STAB2: variants seen among roughly 807,000 people sequenced by gnomAD.
The protein encoded by STAB2 is stabilin-2.
Under a neutral mutation model 338.1 loss-of-function variants are expected in STAB2, and 288 were observed. The ratio of observed to expected loss-of-function variants is 0.85; its 90% CI spans 0.77 to 0.94. The LOEUF is 0.94. Ranked by LOEUF, STAB2 falls within the 40% of genes least tolerant of loss-of-function variation. The pLI, the probability that STAB2 is intolerant of heterozygous loss-of-function variation, is 0.00. For synonymous variants in STAB2, 1,202 were observed against 1,193.3 expected, an observed-to-expected ratio of 1.01 and a Z score of -0.15; for missense variants, 3,141 against 3,210.1, an observed-to-expected ratio of 0.98 and a Z score of 0.52.
intron 44 of STAB2, among the ~76,000 whole-genome samples, chr12:103,723,243 A>C (rs796896132): frequency 6.6e-6 from 1 of 152,220 alleles, no homozygotes; most frequent in Non-Finnish European, 1.5e-5. Flanking sequence ...GGCAACTTAC[A>C]AAAGAAAGGT....
In STAB2 at chr12:103,711,478, A is replaced by C. The variant is rs775281544; in HGVS notation, c.4296A>C (p.Thr1432=). ...ACTGGTTCTCTTTTTCAGCAACCAC[A>C]GAAGACAACTGCAATGGGACATGCC... ...WRGVHCDNAT[T]EDNCNGTCHT... Residue 1432 remains threonine, a synonymous_variant, in exon 40 of 69, where the codon ACA becomes ACC. Transcript: ENST00000388887. 2 of 1,614,170 alleles carry C rather than the reference A, an allele frequency of 1.2e-6. No homozygotes were observed. Among genetic ancestry groups the C allele is most frequent in the East Asian group, 4.5e-5 (2 of 44,890 alleles).
At chr12:103,672,229 C>T (rs1363408483) in intron 22 of STAB2, among the ~76,000 whole-genome samples, 2 of 152,192 alleles carry the variant, frequency 1.3e-5, no homozygotes, top group Non-Finnish European at 2.9e-5. Context: ...GATGGGAAAG[C>T]AGAGCACATC....
Position 103,749,094 on chromosome 12 carries a change from C to A in STAB2, c.6376C>A (p.Pro2126Thr). The change falls in exon 59 of 69, where the codon CCC (proline) becomes ACC (threonine). Residue 2126 changes from proline to threonine, a missense_variant. Physicochemically the swap from Pro to Thr is conservative, Grantham distance 38. Transcript: ENST00000388887. ...CGGGCACAGCTGCACAGAGATAGACCCCTGTGCAGACGGCCTTAACGGAGG... is the reference window on the plus strand; with the variant it reads ...CGGGCACAGCTGCACAGAGATAGACACCTGTGCAGACGGCCTTAACGGAGG... ...GDGHSCTEIDPCADGLNGGCH... is the reference protein window; with the variant it reads ...GDGHSCTEIDTCADGLNGGCH... The A allele has an allele frequency of 6.2e-7, 1 of 1,613,910 alleles. No individual in the cohort carries two copies. The highest frequency in any genetic ancestry group is 8.5e-7 in the Non-Finnish European group (1 of 1,179,904).
At position 103,673,923 on chromosome 12, in the gene STAB2, C is replaced by CGGAACAT; in HGVS notation, c.2390_2396dup (p.Cys799TrpfsTer5). 8 of 1,612,720 alleles carry CGGAACAT rather than the reference C, an allele frequency of 5.0e-6. No individual in the cohort carries two copies. Among genetic ancestry groups the CGGAACAT allele is most frequent in the Non-Finnish European group, 6.8e-6 (8 of 1,178,992 alleles). On this transcript the variant is annotated frameshift_variant, in exon 23 of 69. Coordinates refer to ENST00000388887, the MANE Select transcript of STAB2 (RefSeq NM_017564.10). LOFTEE classifies it high-confidence loss of function. ...CTCTTTCAGAATGCCTGTGCGTTCACGGAACATGCAATAACAGGATAGACA... is the reference window on the plus strand; with the variant it reads ...CTCTTTCAGAATGCCTGTGCGTTCACGGAACATGGAACATGCAATAACAGGATAGACA...
chr12:103,714,731 C>A (rs1880167919), intron 42 of STAB2, among the ~76,000 whole-genome samples: 1 of 151,088 alleles, frequency 6.6e-6, no homozygotes, highest in Admixed American at 6.6e-5. Context: ...CATTTGCTCT[C>A]TTTGTATATA....
At chr12:103,750,924 C>G (rs778621655) in intron 60 of STAB2, among the ~76,000 whole-genome samples, 2 of 152,236 alleles carry the variant, frequency 1.3e-5, no homozygotes, top group Non-Finnish European at 2.9e-5. Context: ...AACCCCATCT[C>G]TACTAAAAAT....
At chr12:103,760,837 T>C (rs1473512282) in intron 65 of STAB2, among the ~76,000 whole-genome samples, 1 of 152,184 alleles carries the variant, frequency 6.6e-6, no homozygotes, top group Non-Finnish European at 1.5e-5. Flanking sequence ...CTGCTGGAGA[T>C]TTGTTAAAAT....
At chr12:103,752,177 A>G (rs1883722031) in intron 60 of STAB2, among the ~76,000 whole-genome samples, 1 of 152,230 alleles carries the variant, frequency 6.6e-6, no homozygotes, top group Non-Finnish European at 1.5e-5. Flanking sequence ...ATCACAGAAA[A>G]TTAGAAATAA....
intron 3 of STAB2, among the ~76,000 whole-genome samples, chr12:103,601,853 A>G (rs1956958902): frequency 6.6e-6 from 1 of 152,238 alleles, no homozygotes; most frequent in Non-Finnish European, 1.5e-5. Flanking sequence ...AAACTATAGA[A>G]AAGGATGTTT....
chr12:103,741,652 G>A (rs1400851674), intron 55 of STAB2, among the ~76,000 whole-genome samples: 2 of 152,076 alleles, frequency 1.3e-5, no homozygotes, highest in African/African-American at 2.4e-5. Context: ...CTGGGTTTTC[G>A]CCATGTTGCC....
intron 68 of STAB2, among the ~76,000 whole-genome samples, chr12:103,765,034 C>CAG (rs983285748): frequency 8.0e-6 from 1 of 125,026 alleles, no homozygotes; most frequent in African/African-American, 3.2e-5. Flanking sequence ...TTGCAGTGAG[C>CAG]AGAGATTGCA....
At position 103,761,301 on chromosome 12, in the gene STAB2, C is replaced by A; in HGVS notation, c.7250C>A (p.Thr2417Lys). ...ITASQDPLQPTETRFVDGRAI... is the reference protein window; with the variant it reads ...ITASQDPLQPKETRFVDGRAI... ...TCAACCCTCTTCTCATTTCCCTAGA[C>A]GGAGACCAGGTTTGTTGATGGAAGA... Residue 2417 changes from threonine to lysine, a missense_variant and splice_region_variant, in exon 66 of 69, where the codon ACG (threonine) becomes AAG (lysine). Transcript: ENST00000388887. 1 of 1,613,800 alleles carries A rather than the reference C, an allele frequency of 6.2e-7. No individual in the cohort carries two copies. The highest frequency in any genetic ancestry group is 8.5e-7 in the Non-Finnish European group (1 of 1,179,760).
chr12:103,717,121 G>C (rs1031674789), intron 43 of STAB2, among the ~76,000 whole-genome samples: 4 of 152,226 alleles, frequency 2.6e-5, no homozygotes, highest in African/African-American at 9.6e-5. Context: ...GTGGGAGCAG[G>C]TGTCTCTTCC....
chr12:103,709,841 T>C (rs1879690926), intron 39 of STAB2, among the ~76,000 whole-genome samples: 1 of 152,112 alleles, frequency 6.6e-6, no homozygotes, highest in Admixed American at 6.5e-5. Flanking sequence ...GTAGGACATT[T>C]TCGGTGAATC....
intron 3 of STAB2, among the ~76,000 whole-genome samples, chr12:103,602,063 G>A (rs1956962097): frequency 4.6e-5 from 7 of 152,124 alleles, no homozygotes; most frequent in African/African-American, 2.4e-5. Context: ...TGTGGCAACC[G>A]CCACAATTAA....
chr12:103,655,581 G>A lies in STAB2; in HGVS notation c.1734G>A (p.Glu578=), dbSNP rs1163108132. 1.2e-6 allele frequency: 2 copies of A among 1,613,672 alleles called. No homozygotes were observed. Among genetic ancestry groups the A allele is most frequent in the East Asian group, 4.5e-5 (2 of 44,840 alleles). The change falls in exon 15 of 69, where the codon GAG becomes GAA. Residue 578 remains glutamate (E), a splice_region_variant and synonymous_variant. Transcript: ENST00000388887. Reference sequence around the variant, plus strand: ...CTCTCGATTACCTCCTTTCTCCAGAGGTACCGTATTCTGCTTGCTCTGATG... The same window carrying A: ...CTCTCGATTACCTCCTTTCTCCAGAAGTACCGTATTCTGCTTGCTCTGATG... The part of the protein sequence containing the change: ...DGTLDYLLSP[E]GSRKLLELVR...
chr12:103,626,363 G>A (rs148085532), intron 5 of STAB2, among the ~76,000 whole-genome samples: 34 of 152,272 alleles, frequency 2.2e-4, no homozygotes, highest in African/African-American at 7.7e-4. Flanking sequence ...TAAGAGAACA[G>A]GCTTTAAACT....
intron 12 of STAB2, 128 bp from the exon 13 acceptor site, chr12:103,654,427 G>A: frequency 1.6e-5 from 16 of 1,022,914 alleles, no homozygotes; most frequent in Non-Finnish European, 2.1e-5. Flanking sequence ...TAGATTAAGT[G>A]ACTTATCCAA....
intron 55 of STAB2, among the ~76,000 whole-genome samples, chr12:103,741,137 T>C (rs1593310880): frequency 1.3e-5 from 2 of 152,170 alleles, no homozygotes; most frequent in African/African-American, 4.8e-5. Flanking sequence ...ACTGACACAG[T>C]ATGTATGGGC....
Sources: gnomAD v4.1 joint callset for allele counts (sites outside exome capture counted in the v4.1 genomes callset) on GRCh38, gnomAD v4.1.1 for gene constraint, MANE v1.5 for transcripts, NCBI Gene and HGNC (gene_info 2026-07-23, HGNC 2026-07-21) for gene names.